KIF26B: variants seen among roughly 807,000 people sequenced by gnomAD.
KIF26B encodes kinesin-like protein KIF26B.
A neutral mutation model predicts 151.2 loss-of-function variants in KIF26B; 63 were observed. The ratio of observed to expected loss-of-function variants is 0.42; its 90% CI spans 0.34 to 0.51. The LOEUF (loss-of-function observed/expected upper bound fraction) is 0.51. Ranked by LOEUF, KIF26B falls within the 20% of genes least tolerant of loss-of-function variation. KIF26B has a pLI of 0.07. For synonymous variants in KIF26B, 1,357 were observed against 1,262.1 expected (o/e 1.08, Z -1.59); for missense variants, 2,813 against 2,913.6 (o/e 0.97, Z 0.79).
intron 10 of KIF26B, among the ~76,000 whole-genome samples, chr1:245,649,301 G>C (rs1269441216): frequency 6.6e-6 from 1 of 152,314 alleles, no homozygotes; most frequent in East Asian, 1.9e-4. Flanking sequence ...GCCAGTGGGT[G>C]GCAGGATCAA....
In KIF26B at chr1:245,419,677, C is replaced by T. The variant is rs1658425583; in HGVS notation, c.1098C>T (p.Ala366=). The T allele has an allele frequency of 2.5e-6, 4 of 1,613,732 alleles. No homozygotes were observed. The highest frequency in any genetic ancestry group is 3.4e-6 in the Non-Finnish European group (4 of 1,179,778). The change falls in exon 4 of 15, where the codon GCC becomes GCT. Residue 366 remains alanine (A), a synonymous_variant. Transcript: ENST00000407071. ...ADKPSACSVP[A]SQGSCVASET... is the part of the protein sequence containing the mutation. ...AGCCTTCCGCCTGCAGTGTCCCAGC[C>T]TCGCAGGGCTCCTGCGTGGCCAGCG...
intron 3 of KIF26B, among the ~76,000 whole-genome samples, chr1:245,402,120 G>A (rs917230385): frequency 6.6e-6 from 1 of 152,168 alleles, no homozygotes; most frequent in African/African-American, 2.4e-5. Context: ...CAAGCCTGTT[G>A]TTGAGCAGCT....
At chr1:245,538,688 G>A (rs1661537122) in intron 4 of KIF26B, among the ~76,000 whole-genome samples, 3 of 152,132 alleles carry the variant, frequency 2.0e-5, no homozygotes, top group African/African-American at 7.2e-5. Context: ...GCCATTGCCT[G>A]GTCCTTTTTA....
intron 2 of KIF26B, among the ~76,000 whole-genome samples, chr1:245,177,471 GGCA>G (rs1459774421): frequency 9.2e-5 from 14 of 152,284 alleles, no homozygotes; most frequent in Non-Finnish European, 1.8e-4. Flanking sequence ...CATTTACGGT[GGCA>G]GTGCACACGG....
chr1:245,205,850 A>G (rs1265982491), intron 2 of KIF26B, among the ~76,000 whole-genome samples: 1 of 50,218 alleles, frequency 2.0e-5, no homozygotes, highest in East Asian at 6.0e-4. Flanking sequence ...CCCCACCCAC[A>G]CCCCCACCCC....
At chr1:245,232,839 C>T (rs1389005566) in intron 2 of KIF26B, among the ~76,000 whole-genome samples, 2 of 152,188 alleles carry the variant, frequency 1.3e-5, no homozygotes, top group African/African-American at 2.4e-5. Context: ...CATGAGCCAT[C>T]GCACCCGGCG....
intron 2 of KIF26B, among the ~76,000 whole-genome samples, chr1:245,193,577 TA>T (rs1399359488): frequency 6.6e-6 from 1 of 152,206 alleles, no homozygotes; most frequent in Non-Finnish European, 1.5e-5. Flanking sequence ...CATCATGCGT[TA>T]AGAGCTTTCA....
chr1:245,358,474 C>T lies in KIF26B; in HGVS notation c.466-8360C>T, dbSNP rs1368948602. Among the ~76,000 whole-genome samples the T allele has an allele frequency of 6.6e-6, 1 of 152,126 alleles. No individual in the cohort carries two copies. The highest frequency in any genetic ancestry group is 2.4e-5 in the African/African-American group (1 of 41,412). On this transcript the variant is annotated intron_variant, in intron 2 of 14. Transcript: ENST00000407071. The surrounding 1 kb of genome is among the most constrained non-coding windows in gnomAD (Gnocchi z 4.1). ...GGCCGAGCTTGCAGTGAGCCGAGAT[C>T]GCGCCACTGTACTCCAGCCTGGGCT... is the stretch of plus-strand genomic sequence containing the variant.
intron 4 of KIF26B, among the ~76,000 whole-genome samples, chr1:245,537,234 T>C (rs1558204556): frequency 6.6e-6 from 1 of 152,204 alleles, no homozygotes; most frequent in Non-Finnish European, 1.5e-5. Flanking sequence ...CTCAAGAGCC[T>C]GTGCAAAGGC....
At chr1:245,276,885 G>T (rs1670947723) in intron 2 of KIF26B, among the ~76,000 whole-genome samples, 1 of 152,124 alleles carries the variant, frequency 6.6e-6, no homozygotes, top group Non-Finnish European at 1.5e-5. Context: ...CTGGAATGAA[G>T]GTCTTTACAG....
chr1:245,591,819 A>G (rs1230648636), intron 5 of KIF26B, among the ~76,000 whole-genome samples: 1 of 152,010 alleles, frequency 6.6e-6, no homozygotes, highest in East Asian at 1.9e-4. Context: ...AGCCCCCGAC[A>G]TGTGTCTGTC....
At chr1:245,700,286 G>A (rs2044752314) in intron 14 of KIF26B, among the ~76,000 whole-genome samples, 1 of 152,188 alleles carries the variant, frequency 6.6e-6, no homozygotes, top group Admixed American at 6.5e-5. Flanking sequence ...GCAGTTGTGA[G>A]GTATAAATCA....
chr1:245,427,673 TA>T (rs1658680233), intron 4 of KIF26B, among the ~76,000 whole-genome samples: 1 of 152,088 alleles, frequency 6.6e-6, no homozygotes, highest in South Asian at 2.1e-4. Flanking sequence ...TTCACTGTAT[TA>T]TTTTTTTTTC....
intron 4 of KIF26B, among the ~76,000 whole-genome samples, chr1:245,474,750 A>T (rs1250972606): frequency 1.3e-5 from 2 of 151,732 alleles, no homozygotes; most frequent in Non-Finnish European, 3.0e-5. Flanking sequence ...CACACTGTAT[A>T]CTTGTACCCA....
intron 5 of KIF26B, among the ~76,000 whole-genome samples, chr1:245,584,813 C>T (rs921588019): frequency 6.6e-6 from 1 of 152,172 alleles, no homozygotes; most frequent in African/African-American, 2.4e-5. Context: ...CCTATTGATC[C>T]TTCCTAAGGT....
At chr1:245,289,874 A>C (rs1039798342) in intron 2 of KIF26B, among the ~76,000 whole-genome samples, 2 of 152,008 alleles carry the variant, frequency 1.3e-5, no homozygotes, top group Non-Finnish European at 2.9e-5. Context: ...TGCTTAGAAA[A>C]ACCTTTTCTG....
chr1:245,297,275 A>G (rs1486888451), intron 2 of KIF26B, among the ~76,000 whole-genome samples: 6 of 152,224 alleles, frequency 3.9e-5, no homozygotes, highest in African/African-American at 1.4e-4. Context: ...CTCAGGAGGT[A>G]GAGGTTGCAA....
intron 2 of KIF26B, chr1:245,206,451 C>G (rs893729806): frequency 2.6e-5 from 4 of 152,132 alleles, no homozygotes; most frequent in Non-Finnish European, 4.4e-5. Context: ...GGATAGAAGA[C>G]AATTGTTTAA....
chr1:245,557,772 A>T (rs1034078341), intron 5 of KIF26B, among the ~76,000 whole-genome samples: 1 of 152,214 alleles, frequency 6.6e-6, no homozygotes, highest in African/African-American at 2.4e-5. Flanking sequence ...CAGGTGAGCT[A>T]CAGTAATTTT....
Sources: allele counts gnomAD v4.1 joint callset (sites outside exome capture counted in the v4.1 genomes callset), GRCh38; gene constraint gnomAD v4.1.1; non-coding constraint Gnocchi (gnomAD v3.1); transcripts MANE v1.5; gene names NCBI Gene and HGNC (gene_info 2026-07-23, HGNC 2026-07-21).